The following RNF182 variants were observed in gnomAD, a reference collection of about 807,000 sequenced individuals.
RNF182 encodes E3 ubiquitin-protein ligase RNF182.
RNF182 carries 15 observed loss-of-function variants against 14.4 expected under a neutral mutation model. The ratio of observed to expected loss-of-function variants is 1.04; its 90% CI spans 0.70 to 1.60. The LOEUF is 1.60. Ranked by LOEUF, RNF182 falls within the 40% of genes most tolerant of loss-of-function variation. The probability of loss-of-function intolerance (pLI) is 0.00; values close to 1 mark genes in which losing one functional copy is unlikely to be tolerated. For missense variants in RNF182, 268 were observed against 294.8 expected, an observed-to-expected ratio of 0.91 and a Z score of 0.67; for synonymous variants, 128 against 122.9, an observed-to-expected ratio of 1.04 and a Z score of -0.27.
chr6:13,977,273 A>G lies in RNF182; in HGVS notation c.154A>G (p.Ile52Val). The G allele has an allele frequency of 1.2e-6, 2 of 1,614,208 alleles. No homozygotes were observed. Among genetic ancestry groups the G allele is most frequent in the Non-Finnish European group, 1.7e-6 (2 of 1,180,026 alleles). Residue 52 changes from isoleucine (I) to valine (V), a missense_variant, in exon 3 of 3, where the codon ATA becomes GTA. Coordinates refer to ENST00000488300, the MANE Select transcript of RNF182 (RefSeq NM_152737.4). The stretch of plus-strand genomic sequence containing the variant: ...TTGTGCCAAATGCCTCTACAAGATC[A>G]TAGACTTTGGGGACTCCCCACAAGG... ...RVCAKCLYKIIDFGDSPQGVI... is the reference protein window; with the variant it reads ...RVCAKCLYKIVDFGDSPQGVI...
intron 1 of RNF182, among the ~76,000 whole-genome samples, chr6:13,932,457 CTTAG>C (rs1266398345): frequency 6.6e-6 from 1 of 152,104 alleles, no homozygotes; most frequent in African/African-American, 2.4e-5. Context: ...CATTTATGAA[CTTAG>C]TTAAATTTCA....
chr6:13,977,694 T>C lies in RNF182; in HGVS notation c.575T>C (p.Leu192Pro), dbSNP rs573249542. 1 of 1,614,192 alleles carries C rather than the reference T, an allele frequency of 6.2e-7. No individual in the cohort carries two copies. Among genetic ancestry groups the C allele is most frequent in the African/African-American group, 1.3e-5 (1 of 75,062 alleles). The change falls in exon 3 of 3, where the codon CTC becomes CCC. Residue 192 changes from leucine (L) to proline (P), a missense_variant. Transcript: ENST00000488300. Reference protein sequence around the residue: ...IRVLVWLLGLLYFSSLPLGIY... With the variant: ...IRVLVWLLGLPYFSSLPLGIY... ...GTGTTAGTGTGGTTGCTAGGTTTGC[T>C]CTACTTCAGCTCCTTACCCTTAGGA... is the stretch of plus-strand genomic sequence containing the variant.
intron 1 of RNF182, among the ~76,000 whole-genome samples, chr6:13,958,994 T>C (rs1759798300): frequency 6.6e-6 from 1 of 152,342 alleles, no homozygotes; most frequent in East Asian, 1.9e-4. Flanking sequence ...TCTTGCTTCC[T>C]ATCTTGCCAT....
intron 1 of RNF182, among the ~76,000 whole-genome samples, chr6:13,946,804 A>G (rs1257356689): frequency 1.3e-5 from 2 of 152,164 alleles, no homozygotes. Flanking sequence ...TAGCTTCTTC[A>G]GGCTGAACAG....
chr6:13,971,929 T>C (rs1458889695), intron 1 of RNF182, among the ~76,000 whole-genome samples: 1 of 152,126 alleles, frequency 6.6e-6, no homozygotes, highest in Admixed American at 6.5e-5. Context: ...ATTCAAGATG[T>C]GATTTGGGTG....
chr6:13,924,671 G>C (rs751716979), upstream of RNF182: 1 of 152,104 alleles, frequency 6.6e-6, no homozygotes, highest in Non-Finnish European at 1.5e-5. Context: ...TGCCTACTAG[G>C]ATGCGAATAC....
intron 1 of RNF182, among the ~76,000 whole-genome samples, chr6:13,960,142 G>C (rs921197337): frequency 6.6e-6 from 1 of 152,186 alleles, no homozygotes; most frequent in Non-Finnish European, 1.5e-5. Flanking sequence ...GTGAAGGACA[G>C]GTGAGACAAG....
intron 1 of RNF182, among the ~76,000 whole-genome samples, chr6:13,953,830 A>G (rs1759660464): frequency 6.6e-6 from 1 of 152,018 alleles, no homozygotes. Context: ...TAGACTGTAT[A>G]TTTCTTGAAG....
chr6:13,974,847 T>G (rs907148508), intron 2 of RNF182, among the ~76,000 whole-genome samples: 19 of 152,254 alleles, frequency 1.2e-4, no homozygotes, highest in African/African-American at 4.3e-4. Flanking sequence ...ACATACTTTC[T>G]TTTCCTTTTT....
Position 13,974,365 on chromosome 6 carries a change from G to A in RNF182, c.-212+1G>A, listed in dbSNP as rs777355500. ...TGCTAGAGCTGGCCTTGGAATTAGA[G>A]TAGGTATATTTTTTACTGGATATTT... On this transcript the variant is annotated splice_donor_variant, in intron 2 of 2. Coordinates refer to ENST00000488300, the MANE Select transcript of RNF182 (RefSeq NM_152737.4). LOFTEE classifies it low-confidence loss of function (5UTR_SPLICE). 1.3e-5 allele frequency: 2 copies of A among 152,162 alleles called. No homozygotes were observed. The highest frequency in any genetic ancestry group is 2.4e-5 in the African/African-American group (1 of 41,432). The allele number at this position is 152,162 out of a possible 1,614,324, so 9.4% of individuals were successfully genotyped here. A position where few individuals can be genotyped will look rare whatever the true frequency, so the allele number is the denominator to read the frequency against.
Position 13,977,844 on chromosome 6 carries a change from G to A in RNF182, c.725G>A (p.Cys242Tyr), listed in dbSNP as rs1432949208. The part of the protein sequence containing the change: ...CQCVCHEFLD[C>Y]MAPPS ...TGTGTTTGTCATGAATTTCTAGACT[G>A]TATGGCACCTCCTTCTTAACTGATA... Residue 242 changes from cysteine to tyrosine, a missense_variant, in exon 3 of 3, where the codon TGT becomes TAT. By Grantham distance (194) the Cys-to-Tyr change is radical (BLOSUM62 -2). Transcript: ENST00000488300. 1 of 1,612,168 alleles carries A rather than the reference G, an allele frequency of 6.2e-7. No homozygotes were observed. The highest frequency in any genetic ancestry group is 8.5e-7 in the Non-Finnish European group (1 of 1,178,770).
chr6:13,927,603 T>C (rs1758861448), intron 1 of RNF182, among the ~76,000 whole-genome samples: 1 of 152,234 alleles, frequency 6.6e-6, no homozygotes, highest in Non-Finnish European at 1.5e-5. Context: ...AAGCCACAAA[T>C]GTTCCTGTTT....
At chr6:13,956,925 T>TAC (rs1436030252) in intron 1 of RNF182, among the ~76,000 whole-genome samples, 2 of 149,940 alleles carry the variant, frequency 1.3e-5, no homozygotes, top group Non-Finnish European at 3.0e-5. Flanking sequence ...CCCCCCACCA[T>TAC]ACACACACAC....
intron 1 of RNF182, among the ~76,000 whole-genome samples, chr6:13,950,614 A>G (rs1251574033): frequency 6.7e-6 from 1 of 149,748 alleles, no homozygotes; most frequent in Non-Finnish European, 1.5e-5. Flanking sequence ...CTCGTGCCTC[A>G]ACCTCCCGAG....
chr6:13,936,878 G>A (rs1759123783), intron 1 of RNF182, among the ~76,000 whole-genome samples: 1 of 152,072 alleles, frequency 6.6e-6, no homozygotes, highest in African/African-American at 2.4e-5. Context: ...TAAAAGCTTA[G>A]AATCCATTTG....
chr6:13,972,477 A>G (rs559806653), intron 1 of RNF182, among the ~76,000 whole-genome samples: 1 of 152,330 alleles, frequency 6.6e-6, no homozygotes, highest in Admixed American at 6.5e-5. Flanking sequence ...ATGTCTCTGC[A>G]TATCAGAGGT....
intron 1 of RNF182, among the ~76,000 whole-genome samples, chr6:13,955,017 G>A (rs9476019): frequency 0.1 from 15,165 of 152,188 alleles, 904 homozygotes; most frequent in South Asian, 0.22. Flanking sequence ...TGTGTCATCC[G>A]CCTCCTTATC....
chr6:13,934,043 A>C (rs1042622348), intron 1 of RNF182, among the ~76,000 whole-genome samples: 14 of 152,214 alleles, frequency 9.2e-5, no homozygotes, highest in Admixed American at 6.5e-4. Context: ...AATTAAAAAA[A>C]AGAAATGTGG....
chr6:13,941,454 A>G (rs1759297322), intron 1 of RNF182, among the ~76,000 whole-genome samples: 1 of 152,080 alleles, frequency 6.6e-6, no homozygotes, highest in South Asian at 2.1e-4. Flanking sequence ...TTCTTTTATA[A>G]GCCGCATATA....
Sources: gnomAD v4.1 joint callset for allele counts (sites outside exome capture counted in the v4.1 genomes callset) on GRCh38, gnomAD v4.1.1 for gene constraint, MANE v1.5 for transcripts, NCBI Gene and HGNC (gene_info 2026-07-23, HGNC 2026-07-21) for gene names.